Variants in TEK observed in about 807,000 individuals in gnomAD.
TEK encodes the protein angiopoietin-1 receptor.
A neutral mutation model predicts 131.8 loss-of-function variants in TEK; 43 were observed. The observed-to-expected ratio is 0.33, with a 90% CI of 0.26 to 0.42. The LOEUF (loss-of-function observed/expected upper bound fraction) is 0.42, where lower values mean the gene tolerates loss of function less well. Ranked by LOEUF, TEK falls within the 10% of genes least tolerant of loss-of-function variation. The probability of loss-of-function intolerance (pLI) is 1.00; values close to 1 mark genes in which losing one functional copy is unlikely to be tolerated. For missense variants in TEK, 1,162 were observed against 1,384.4 expected (o/e 0.84, Z 2.55); for synonymous variants, 580 against 491.6 (o/e 1.18, Z -2.38).
chr9:27,132,459 A>G (rs1822262462), intron 1 of TEK, among the ~76,000 whole-genome samples: 3 of 152,210 alleles, frequency 2.0e-5, no homozygotes, highest in Admixed American at 6.5e-5. Flanking sequence ...ATCTAAGACT[A>G]TCATACATGA....
chr9:27,112,061 C>G (rs1172467788), intron 1 of TEK, among the ~76,000 whole-genome samples: 2 of 152,076 alleles, frequency 1.3e-5, no homozygotes, highest in Admixed American at 6.5e-5. Flanking sequence ...CCATGCCTGG[C>G]TAATTTGTTG....
In TEK at chr9:27,189,171, C is replaced by A. The variant is rs149364083; in HGVS notation, c.1328-1358C>A. Among the ~76,000 whole-genome samples the A allele has an allele frequency of 2.8e-4, 43 of 152,262 alleles. No individual in the cohort carries two copies. In the East Asian group the frequency reaches 8.3e-3, roughly 29 times the overall value. On this transcript the variant is annotated intron_variant, in intron 9 of 22. Coordinates refer to ENST00000380036, the MANE Select transcript of TEK (RefSeq NM_000459.5). ...TTCTAAGAAGGCTGGGCCAAGGGAA[C>A]TATAGAGCTCATTGGAAATTCACTT...
intron 1 of TEK, among the ~76,000 whole-genome samples, chr9:27,133,597 G>A (rs1215117151): frequency 1.3e-5 from 2 of 152,142 alleles, no homozygotes; most frequent in South Asian, 2.1e-4. Flanking sequence ...AATTGCTAGT[G>A]CATGCCTCAT....
At chr9:27,205,506 T>C (rs1587012122) in intron 14 of TEK, among the ~76,000 whole-genome samples, 1 of 152,306 alleles carries the variant, frequency 6.6e-6, no homozygotes, top group Admixed American at 6.5e-5. Flanking sequence ...TCCCATTTCT[T>C]TCTAGTAAGT....
chr9:27,147,040 T>C (rs1294503885), intron 1 of TEK, among the ~76,000 whole-genome samples: 1 of 152,192 alleles, frequency 6.6e-6, no homozygotes, highest in African/African-American at 2.4e-5. Context: ...ACATTCATTG[T>C]ATGAATGTAC....
intron 21 of TEK, among the ~76,000 whole-genome samples, chr9:27,224,587 G>T (rs1354583675): frequency 6.6e-6 from 1 of 152,156 alleles, no homozygotes; most frequent in African/African-American, 2.4e-5. Flanking sequence ...CAGTAAACTA[G>T]GTATTGATGG....
intron 10 of TEK, chr9:27,191,999 T>C: frequency 2.2e-6 from 1 of 453,080 alleles, no homozygotes; most frequent in South Asian, 1.6e-5. Context: ...CATTTGTTTA[T>C]GGGTGCTATT....
intron 9 of TEK, among the ~76,000 whole-genome samples, chr9:27,186,193 G>A (rs189817632): frequency 9.2e-5 from 14 of 152,258 alleles, no homozygotes; most frequent in Admixed American, 2.0e-4. Flanking sequence ...CTATAAATTA[G>A]TATTTCAAAA....
rs1479663102 is a variant in TEK, at chr9:27,229,464, T to A, written c.*232T>A. The A allele has an allele frequency of 2.8e-5, 16 of 564,640 alleles. No homozygotes were observed. Among genetic ancestry groups the A allele is most frequent in the South Asian group, 2.4e-4 (11 of 45,630 alleles). The allele number at this position is 564,640 out of a possible 1,614,324, so 35.0% of individuals were successfully genotyped here. ...ATGGGCTGAAATCAGAATGCCTGTT[T>A]GTGGTTTCATATGCAATAATATATT... On this transcript the variant is annotated 3_prime_UTR_variant, in exon 23 of 23. Transcript: ENST00000380036.
In TEK at chr9:27,204,895, C is replaced by T. The variant is rs768432876; in HGVS notation, c.2210-16C>T. ...GTAAACTAAACTACCTGCTTCACCT[C>T]TGTCTTCCTGCACAGCACCAGCGGA... On this transcript the variant is annotated splice_polypyrimidine_tract_variant and intron_variant, in intron 13 of 22. Transcript: ENST00000380036. 4.3e-6 allele frequency: 7 copies of T among 1,613,682 alleles called. No homozygotes were observed. The highest frequency in any genetic ancestry group is 5.9e-6 in the Non-Finnish European group (7 of 1,179,802).
At chr9:27,164,151 G>A (rs1434123137) in intron 2 of TEK, among the ~76,000 whole-genome samples, 2 of 152,262 alleles carry the variant, frequency 1.3e-5, no homozygotes, top group African/African-American at 4.8e-5. Flanking sequence ...TGTATATGCT[G>A]TGTGATCTTG....
At chr9:27,122,776 G>A (rs774686357) in intron 1 of TEK, among the ~76,000 whole-genome samples, 49 of 151,956 alleles carry the variant, frequency 3.2e-4, no homozygotes, top group Non-Finnish European at 5.7e-4. Context: ...GAAAGAGGCC[G>A]GGCACAGTGG....
chr9:27,177,996 T>G (rs1312953144), intron 6 of TEK, among the ~76,000 whole-genome samples: 1 of 152,212 alleles, frequency 6.6e-6, no homozygotes, highest in East Asian at 1.9e-4. Flanking sequence ...TTTGTGCTTT[T>G]GTTGTCTGTG....
At chr9:27,172,460 CT>C (rs1184410674) in intron 4 of TEK, among the ~76,000 whole-genome samples, 155 bp from the exon 5 acceptor site, 1 of 152,198 alleles carries the variant, frequency 6.6e-6, no homozygotes, top group African/African-American at 2.4e-5. Flanking sequence ...ACATGTCTGT[CT>C]CCCATATTAG....
At chr9:27,200,569 C>T (rs1046073455) in intron 12 of TEK, among the ~76,000 whole-genome samples, 5 of 151,814 alleles carry the variant, frequency 3.3e-5, no homozygotes, top group African/African-American at 1.2e-4. Context: ...GAGAACATCT[C>T]ATTTTTACCT....
chr9:27,122,615 G>A (rs1821833368), intron 1 of TEK, among the ~76,000 whole-genome samples: 1 of 152,054 alleles, frequency 6.6e-6, no homozygotes, highest in African/African-American at 2.4e-5. Context: ...AGCGGTGTGA[G>A]GTAGTGAGAC....
At chr9:27,121,452 AT>A (rs920886668) in intron 1 of TEK, among the ~76,000 whole-genome samples, 222 of 149,562 alleles carry the variant, frequency 1.5e-3, no homozygotes, top group Middle Eastern at 7.1e-3. Context: ...TCATAAATAA[AT>A]TTTTTTTTTA....
intron 1 of TEK, among the ~76,000 whole-genome samples, chr9:27,137,307 C>T (rs1324801682): frequency 6.6e-6 from 1 of 152,194 alleles, no homozygotes; most frequent in East Asian, 1.9e-4. Context: ...ATTTACTAAT[C>T]AGATACCCTA....
At chr9:27,149,972 G>A (rs182044772) in intron 1 of TEK, among the ~76,000 whole-genome samples, 6 of 152,250 alleles carry the variant, frequency 3.9e-5, no homozygotes, top group Admixed American at 3.9e-4. Context: ...AGGCAGCACT[G>A]CCAGGCTTAA....
Sources: allele counts gnomAD v4.1 joint callset (sites outside exome capture counted in the v4.1 genomes callset), GRCh38; gene constraint gnomAD v4.1.1; transcripts MANE v1.5; gene names NCBI Gene and HGNC (gene_info 2026-07-23, HGNC 2026-07-21).